MARCHF1: variants seen among roughly 807,000 people sequenced by gnomAD.
The protein encoded by MARCHF1 is E3 ubiquitin-protein ligase MARCHF1.
Under a neutral mutation model 54.2 loss-of-function variants are expected in MARCHF1, and 40 were observed. The ratio of observed to expected loss-of-function variants is 0.74; its 90% CI spans 0.57 to 0.96. The LOEUF (loss-of-function observed/expected upper bound fraction) is 0.96, where lower values mean the gene tolerates loss of function less well. MARCHF1 is among the 40% of genes least tolerant of loss of function. MARCHF1 has a pLI of 0.00. For synonymous variants in MARCHF1, 236 were observed against 236.3 expected (o/e 1.00, Z 0.01); for missense variants, 586 against 656.5 (o/e 0.89, Z 1.17).
Position 163,954,040 on chromosome 4 carries a change from CA to C in MARCHF1, c.-39+34460del, listed in dbSNP as rs144534778. Among the ~76,000 whole-genome samples, 1,086 of 152,206 alleles carry C rather than the reference CA, an allele frequency of 7.1e-3. 12 individuals carry two copies. The highest frequency in any genetic ancestry group is 0.039 in the East Asian group (200 of 5,178). On this transcript the variant is annotated intron_variant, in intron 3 of 9. Coordinates refer to ENST00000514618, the MANE Select transcript of MARCHF1 (RefSeq NM_001394959.1). ...GACTTTGGTTCTAATTTCCTGATAA[CA>C]AAAATGGCTGCAACTTAACAATAGG...
chr4:164,174,977 A>G (rs17044720), intron 1 of MARCHF1, among the ~76,000 whole-genome samples: 1,982 of 152,236 alleles, frequency 0.013, 41 homozygotes, highest in African/African-American at 0.042. Flanking sequence ...GTAAGGACAA[A>G]AACTGTAAAG....
At chr4:163,984,364 A>T (rs1236355931) in intron 3 of MARCHF1, among the ~76,000 whole-genome samples, 3 of 152,242 alleles carry the variant, frequency 2.0e-5, no homozygotes. Context: ...CATGATAGCC[A>T]TGTGTGGTCA....
intron 3 of MARCHF1, among the ~76,000 whole-genome samples, chr4:163,975,164 GCTCTCTCT>G (rs55675178): frequency 0.037 from 4,740 of 126,886 alleles, 185 homozygotes; most frequent in East Asian, 0.21. Context: ...TCATAATAAA[GCTCTCTCT>G]CTCTCTCTCT....
intron 1 of MARCHF1, among the ~76,000 whole-genome samples, chr4:164,135,852 T>TA (rs1756389758): frequency 6.6e-6 from 1 of 152,190 alleles, no homozygotes; most frequent in African/African-American, 2.4e-5. Context: ...TGCAGAAACT[T>TA]ACGTTTTTCC....
At chr4:163,714,927 C>T (rs1486603400) in intron 4 of MARCHF1, among the ~76,000 whole-genome samples, 2 of 152,148 alleles carry the variant, frequency 1.3e-5, no homozygotes, top group East Asian at 3.9e-4. Flanking sequence ...AGTAATTTTC[C>T]TGCCTCAGCC....
chr4:164,269,049 TTC>T (rs1161990880), intron 1 of MARCHF1, among the ~76,000 whole-genome samples: 1 of 152,180 alleles, frequency 6.6e-6, no homozygotes, highest in Non-Finnish European at 1.5e-5. Flanking sequence ...ACCTTTAATT[TTC>T]TTTCTTTGCA....
intron 1 of MARCHF1, among the ~76,000 whole-genome samples, chr4:164,298,035 A>G (rs984019970): frequency 6.6e-6 from 1 of 152,142 alleles, no homozygotes; most frequent in African/African-American, 2.4e-5. Context: ...ATGTCTCAAC[A>G]CAATACCAAA....
chr4:164,112,306 T>A (rs1755851085), intron 1 of MARCHF1, among the ~76,000 whole-genome samples: 1 of 151,908 alleles, frequency 6.6e-6, no homozygotes, highest in African/African-American at 2.4e-5. Flanking sequence ...TAGGATCCAC[T>A]CAATAGAAGA....
chr4:163,645,252 C>A (rs1579152028), intron 5 of MARCHF1, among the ~76,000 whole-genome samples: 1 of 152,316 alleles, frequency 6.6e-6, no homozygotes, highest in African/African-American at 2.4e-5. Flanking sequence ...GCACTGCTAA[C>A]AGGTCTGCCA....
chr4:164,131,836 G>T (rs1410945847), intron 1 of MARCHF1, among the ~76,000 whole-genome samples: 1 of 152,086 alleles, frequency 6.6e-6, no homozygotes, highest in East Asian at 1.9e-4. Flanking sequence ...TTTCTTACAT[G>T]AAGTCTGTGT....
chr4:163,545,511 C>T, intron 9 of MARCHF1, 85 bp downstream of exon 9: 1 of 1,339,854 alleles, frequency 7.5e-7, no homozygotes, highest in Non-Finnish European at 1.0e-6. Flanking sequence ...ATGATGAAGG[C>T]CTAACCTGGG....
At chr4:164,168,812 C>T (rs532880745) in intron 1 of MARCHF1, among the ~76,000 whole-genome samples, 1 of 152,112 alleles carries the variant, frequency 6.6e-6, no homozygotes, top group South Asian at 2.1e-4. Flanking sequence ...TACTGATAGC[C>T]TACTGTTAAC....
In MARCHF1 at chr4:164,304,531, C is replaced by T. The variant is rs553786224; in HGVS notation, c.-323+79339G>A. Reference sequence around the variant, plus strand: ...ATCTGGCACAGAATTCTTTAATGATCATTTCTAAGAATGTACAGTATATAA... The same window carrying T: ...ATCTGGCACAGAATTCTTTAATGATTATTTCTAAGAATGTACAGTATATAA... On this transcript the variant is annotated intron_variant, in intron 1 of 9. Coordinates refer to ENST00000514618, the MANE Select transcript of MARCHF1 (RefSeq NM_001394959.1). 1.1e-3 allele frequency among the ~76,000 whole-genome samples: 174 copies of T among 152,284 alleles called. 1 individual carries two copies. Among genetic ancestry groups the T allele is most frequent in the African/African-American group, 4.1e-3 (170 of 41,568 alleles).
rs1730773239 is a variant in MARCHF1 at position 164,363,087 on chromosome 4, C to T, written c.-323+20783G>A. Among the ~76,000 whole-genome samples, 4 of 152,102 alleles carry T rather than the reference C, an allele frequency of 2.6e-5. No homozygotes were observed. In the South Asian group the frequency reaches 8.3e-4, roughly 32 times the overall value. ...AACAATTTAGTATACATAAAATATA[C>T]ATATGTTCTATTCTGTTTCAAAGTT... is the stretch of plus-strand genomic sequence containing the variant. On this transcript the variant is annotated intron_variant, in intron 1 of 9. Coordinates refer to ENST00000514618, the MANE Select transcript of MARCHF1 (RefSeq NM_001394959.1).
intron 1 of MARCHF1, among the ~76,000 whole-genome samples, chr4:164,191,805 C>T (rs1200054051): frequency 6.6e-6 from 1 of 152,118 alleles, no homozygotes; most frequent in East Asian, 1.9e-4. Context: ...ATCACACTTG[C>T]TGACAGATAC....
At chr4:163,867,956 A>G (rs986862601) in intron 3 of MARCHF1, among the ~76,000 whole-genome samples, 4 of 151,614 alleles carry the variant, frequency 2.6e-5, no homozygotes, top group African/African-American at 9.7e-5. Flanking sequence ...CTTCATCAGT[A>G]GCTCAGCAAT....
intron 3 of MARCHF1, among the ~76,000 whole-genome samples, chr4:163,959,423 G>T (rs930059474): frequency 4.0e-5 from 6 of 151,300 alleles, no homozygotes; most frequent in Admixed American, 2.0e-4. Context: ...TATACTACAG[G>T]GCTACAGTAA....
intron 1 of MARCHF1, among the ~76,000 whole-genome samples, chr4:164,213,446 A>G (rs1731838159): frequency 6.6e-6 from 1 of 151,762 alleles, no homozygotes; most frequent in Admixed American, 6.6e-5. Flanking sequence ...CGTGTTAGCC[A>G]GGATGGTCTC....
chr4:164,014,505 A>G (rs746283113), intron 2 of MARCHF1, among the ~76,000 whole-genome samples: 1 of 152,178 alleles, frequency 6.6e-6, no homozygotes, highest in Non-Finnish European at 1.5e-5. Context: ...CCAAACAACC[A>G]CAAAACAGAT....
Sources: allele counts gnomAD v4.1 joint callset (sites outside exome capture counted in the v4.1 genomes callset), GRCh38; gene constraint gnomAD v4.1.1; transcripts MANE v1.5; gene names NCBI Gene and HGNC (gene_info 2026-07-23, HGNC 2026-07-21).